CLOCK: variants seen among roughly 807,000 people sequenced by gnomAD.
The protein encoded by CLOCK is clock circadian regulator, also known as circadian locomoter output cycles protein kaput.
Under a neutral mutation model 118.4 loss-of-function variants are expected in CLOCK, and 43 were observed. The ratio of observed to expected loss-of-function variants is 0.36; its 90% CI spans 0.28 to 0.47. CLOCK has a LOEUF of 0.47. CLOCK is among the 20% of genes least tolerant of loss of function. The pLI, the probability that CLOCK is intolerant of heterozygous loss-of-function variation, is 1.00. For missense variants in CLOCK, 846 were observed against 999.9 expected (o/e 0.85, Z 2.08); for synonymous variants, 326 against 339.2 (o/e 0.96, Z 0.43).
chr4:55,508,750 G>A (rs895035990), intron 2 of CLOCK, among the ~76,000 whole-genome samples: 7 of 152,006 alleles, frequency 4.6e-5, no homozygotes, highest in African/African-American at 1.5e-4. Flanking sequence ...CTGCCACCAC[G>A]CCTGGCTAAT....
In CLOCK at chr4:55,538,663, C is replaced by A. The variant is rs1204035415; in HGVS notation, c.-290+8119G>T. 7.2e-5 allele frequency among the ~76,000 whole-genome samples: 11 copies of A among 152,100 alleles called. 1 individual carries two copies. Among genetic ancestry groups the A allele is most frequent in the Admixed American group, 6.5e-4 (10 of 15,270 alleles). ...AACAGAACTTTCCAAAACTAAAAGGCATCCAGCTAGATTCAAAAAACTCTA... is the reference window on the plus strand; with the variant it reads ...AACAGAACTTTCCAAAACTAAAAGGAATCCAGCTAGATTCAAAAAACTCTA... On this transcript the variant is annotated intron_variant, in intron 1 of 22. Transcript: ENST00000513440.
intron 3 of CLOCK, among the ~76,000 whole-genome samples, chr4:55,486,715 T>A (rs536405574): frequency 8.1e-4 from 124 of 152,300 alleles, no homozygotes; most frequent in African/African-American, 2.8e-3. Context: ...TCCAGTGTGG[T>A]GTCAAGAAGT....
intron 6 of CLOCK, among the ~76,000 whole-genome samples, chr4:55,476,378 T>C (rs1033069195): frequency 3.9e-5 from 6 of 152,182 alleles, no homozygotes; most frequent in Admixed American, 6.6e-5. Context: ...TCCAAGAATT[T>C]TGAAGCAATT....
At chr4:55,507,448 A>G (rs568929629) in intron 2 of CLOCK, among the ~76,000 whole-genome samples, 21 of 152,006 alleles carry the variant, frequency 1.4e-4, no homozygotes, top group African/African-American at 5.1e-4. Flanking sequence ...CCCCATCTCT[A>G]CTAAAAATAC....
At position 55,442,564 on chromosome 4, in the gene CLOCK, G is replaced by T. The variant is rs1426356922; in HGVS notation, c.1973C>A (p.Thr658Lys). 1 of 1,612,086 alleles carries T rather than the reference G, an allele frequency of 6.2e-7. No individual in the cohort carries two copies. The highest frequency in any genetic ancestry group is 8.5e-7 in the Non-Finnish European group (1 of 1,179,716). The change falls in exon 21 of 23, where the codon ACA (threonine) becomes AAA (lysine). Residue 658 changes from threonine (T) to lysine (K), a missense_variant. By Grantham distance (78) the Thr-to-Lys change is moderately conservative. This residue lies in a region of CLOCK where 520 missense variants were observed against 558.0 expected (regional missense o/e 0.93). Transcript: ENST00000513440. ...CACCATAGTGTTATACAGTGGGGCT[G>T]TAAGAGTGCTCTGTGTCTGACTGGG... is the stretch of plus-strand genomic sequence containing the variant. ...SLPSQTQSTL[T>K]APLYNTMVIS...
chr4:55,510,620 C>CT (rs1301557773), intron 1 of CLOCK, among the ~76,000 whole-genome samples: 1 of 102,952 alleles, frequency 9.7e-6, no homozygotes, highest in Non-Finnish European at 1.8e-5. Flanking sequence ...GAACAAGACT[C>CT]TGTCTTTTTA....
At chr4:55,486,326 T>G (rs1219988801) in intron 3 of CLOCK, 2 of 152,204 alleles carry the variant, frequency 1.3e-5, no homozygotes, top group Non-Finnish European at 2.9e-5. Context: ...CAATTTCACC[T>G]TCTCACAGTA....
chr4:55,501,317 G>T, intron 2 of CLOCK, among the ~76,000 whole-genome samples: 1 of 143,114 alleles, frequency 7.0e-6, no homozygotes, highest in East Asian at 1.9e-4. Context: ...GTATATGAGG[G>T]TTTTTTAAAA....
intron 2 of CLOCK, among the ~76,000 whole-genome samples, chr4:55,507,334 C>A (rs1022864274): frequency 6.6e-6 from 1 of 151,544 alleles, no homozygotes; most frequent in African/African-American, 2.4e-5. Flanking sequence ...AGGGGGGAGC[C>A]AGGCATGGTG....
At chr4:55,473,747 C>T (rs1726301407) in intron 7 of CLOCK, among the ~76,000 whole-genome samples, 1 of 152,056 alleles carries the variant, frequency 6.6e-6, no homozygotes, top group Non-Finnish European at 1.5e-5. Context: ...AGTATGTGTT[C>T]ACTTTGTGTC....
rs1027535386 is a variant in CLOCK, at chr4:55,510,131, T to C, written c.-289-66A>G. 2.0e-5 allele frequency: 3 copies of C among 152,234 alleles called. No homozygotes were observed. In the East Asian group the frequency reaches 5.8e-4, roughly 29 times the overall value. 9.4% of individuals were successfully genotyped at this position (152,234 alleles called of 1,614,324 possible). On this transcript the variant is annotated intron_variant, in intron 1 of 22. Coordinates refer to ENST00000513440, the MANE Select transcript of CLOCK (RefSeq NM_004898.4). ...TTAAGTAACATTATTATCACTAGTA[T>C]TTTTGTTTCATCGACGTATAGAACA...
intron 2 of CLOCK, among the ~76,000 whole-genome samples, chr4:55,495,791 C>G (rs1238708797): frequency 2.6e-5 from 4 of 152,030 alleles, no homozygotes; most frequent in Non-Finnish European, 4.4e-5. Context: ...TCCAAAAGAC[C>G]CTCCGTATCC....
At chr4:55,468,156 C>T (rs1725863396) in intron 8 of CLOCK, among the ~76,000 whole-genome samples, 1 of 152,078 alleles carries the variant, frequency 6.6e-6, no homozygotes, top group Admixed American at 6.6e-5. Flanking sequence ...CAGGATGCTT[C>T]ACTGTGCTGC....
intron 1 of CLOCK, among the ~76,000 whole-genome samples, chr4:55,530,724 G>A (rs1453913768): frequency 1.6e-5 from 2 of 127,054 alleles, no homozygotes; most frequent in Non-Finnish European, 3.1e-5. Flanking sequence ...GCAGTGAGCC[G>A]AGATTGTGCC....
chr4:55,445,413 T>A (rs1437656712), intron 18 of CLOCK, among the ~76,000 whole-genome samples: 2 of 151,888 alleles, frequency 1.3e-5, no homozygotes, highest in Non-Finnish European at 2.9e-5. Flanking sequence ...TTCTCTATTA[T>A]CCAGTTGCTA....
chr4:55,439,530 A>G (rs900480361), intron 21 of CLOCK, among the ~76,000 whole-genome samples: 1 of 152,182 alleles, frequency 6.6e-6, no homozygotes, highest in African/African-American at 2.4e-5. Flanking sequence ...CCCCAAAATG[A>G]AAGCAGGGAC....
At chr4:55,491,848 AATG>A (rs1350736698) in intron 2 of CLOCK, among the ~76,000 whole-genome samples, 1 of 152,216 alleles carries the variant, frequency 6.6e-6, no homozygotes, top group Non-Finnish European at 1.5e-5. Flanking sequence ...AGTAAGTCAG[AATG>A]ATAAAATAAA....
In CLOCK at chr4:55,433,639, C is replaced by G. The variant is rs931415564; in HGVS notation, c.*1776G>C. 2.0e-5 allele frequency: 3 copies of G among 152,160 alleles called. No homozygotes were observed. Among genetic ancestry groups the G allele is most frequent in the African/African-American group, 7.2e-5 (3 of 41,446 alleles). The allele number at this position is 152,160 out of a possible 1,614,324, so 9.4% of individuals were successfully genotyped here. A position where few individuals can be genotyped will look rare whatever the true frequency, so the allele number is the denominator to read the frequency against. ...ACACTTGTCCTCTCCTCCCTTTCCT[C>G]AGTAATAACATTTTTTATATTCTAA... On this transcript the variant is annotated 3_prime_UTR_variant, in exon 23 of 23. Transcript: ENST00000513440.
intron 9 of CLOCK, among the ~76,000 whole-genome samples, chr4:55,460,103 G>A (rs1725223411): frequency 6.6e-6 from 1 of 152,178 alleles, no homozygotes; most frequent in Non-Finnish European, 1.5e-5. Context: ...CACACACTGT[G>A]ACTTACACCT....
Sources: allele counts gnomAD v4.1 joint callset (sites outside exome capture counted in the v4.1 genomes callset), GRCh38; gene constraint gnomAD v4.1.1; regional missense constraint gnomAD v4.1.1; transcripts MANE v1.5; gene names NCBI Gene and HGNC (gene_info 2026-07-23, HGNC 2026-07-21).